TAPT1: variants seen among roughly 807,000 people sequenced by gnomAD.
The protein encoded by TAPT1 is transmembrane anterior posterior transformation 1, also known as transmembrane anterior posterior transformation protein 1 homolog.
TAPT1 carries 28 observed loss-of-function variants against 65.6 expected under a neutral mutation model. The ratio of observed to expected loss-of-function variants is 0.43; its 90% CI spans 0.32 to 0.59. The LOEUF is 0.59. Among genes scored for constraint, TAPT1 ranks in the 20% least tolerant of loss-of-function variants. The pLI, the probability that TAPT1 is intolerant of heterozygous loss-of-function variation, is 0.09. For missense variants in TAPT1, 563 were observed against 679.9 expected, an observed-to-expected ratio of 0.83 and a Z score of 1.91; for synonymous variants, 278 against 245.2, an observed-to-expected ratio of 1.13 and a Z score of -1.25.
intron 7 of TAPT1, among the ~76,000 whole-genome samples, chr4:16,183,332 G>A (rs1748824917): frequency 6.6e-6 from 1 of 152,018 alleles, no homozygotes; most frequent in South Asian, 2.1e-4. Context: ...GTGCTAAGTA[G>A]TAACCATTTT....
At chr4:16,217,026 T>C (rs1750978802) in intron 1 of TAPT1, among the ~76,000 whole-genome samples, 2 of 152,020 alleles carry the variant, frequency 1.3e-5, no homozygotes, top group African/African-American at 4.8e-5. Context: ...CTACTTTTCA[T>C]TTCTCCCAAA....
At chr4:16,166,989 CTCTT>C (rs1747677792) in intron 12 of TAPT1, 196 bp from the exon 13 acceptor site, 3 of 292,812 alleles carry the variant, frequency 1.0e-5, no homozygotes, top group Non-Finnish European at 1.2e-5. Flanking sequence ...TTCCTTAGTT[CTCTT>C]TTTTTTTTTT....
chr4:16,163,496 G>GTTTGGTGATGGAGGCAGACAGGTT lies in TAPT1; in HGVS notation c.1492_1515dup (p.Asn498_Lys505dup), dbSNP rs773284049. On this transcript the variant is annotated inframe_insertion, in exon 14 of 14. Transcript: ENST00000405303. ...ATATTTTCCTTTTGATGAATAGGTT[G>GTTTGGTGATGGAGGCAGACAGGTT]TTTGGTGATGGAGGCAGACAGGTTT... is the stretch of plus-strand genomic sequence containing the variant. 8.7e-6 allele frequency: 14 copies of GTTTGGTGATGGAGGCAGACAGGTT among 1,613,852 alleles called. No individual in the cohort carries two copies. The South Asian group carries it at 1.5e-4, about 18-fold the overall frequency.
rs186748882 is a variant in TAPT1 at position 16,187,380 on chromosome 4, A to G, written c.749-502T>C. On this transcript the variant is annotated intron_variant, in intron 5 of 13. Coordinates refer to ENST00000405303, the MANE Select transcript of TAPT1 (RefSeq NM_153365.3). ...AATGTAAGGCAGTAGGAAATATCTGATAATTAAGATTCTTCTTCATATGTC... is the reference window on the plus strand; with the variant it reads ...AATGTAAGGCAGTAGGAAATATCTGGTAATTAAGATTCTTCTTCATATGTC... 2.0e-5 allele frequency among the ~76,000 whole-genome samples: 3 copies of G among 152,308 alleles called. No homozygotes were observed. The East Asian group carries it at 5.8e-4, about 29-fold the overall frequency.
At chr4:16,208,598 C>A (rs949474890) in intron 2 of TAPT1, among the ~76,000 whole-genome samples, 3 of 152,140 alleles carry the variant, frequency 2.0e-5, no homozygotes, top group African/African-American at 7.2e-5. Flanking sequence ...AGCAAGAGGA[C>A]CCAAAGCCAA....
chr4:16,180,707 T>C (rs1748662942), intron 7 of TAPT1, among the ~76,000 whole-genome samples: 1 of 152,154 alleles, frequency 6.6e-6, no homozygotes, highest in Admixed American at 6.6e-5. Flanking sequence ...AAAACCTTAT[T>C]CTCTGTAAGC....
chr4:16,188,663 G>A (rs890229066), intron 4 of TAPT1, among the ~76,000 whole-genome samples: 4 of 151,244 alleles, frequency 2.6e-5, no homozygotes, highest in Non-Finnish European at 1.5e-5. Context: ...GCTCATGCCT[G>A]TAATCCCAGC....
At chr4:16,189,212 C>A (rs184267283) in intron 4 of TAPT1, among the ~76,000 whole-genome samples, 2 of 152,280 alleles carry the variant, frequency 1.3e-5, no homozygotes, top group East Asian at 3.9e-4. Context: ...AGGATTCAGT[C>A]TGAATGCCAC....
At chr4:16,174,531 T>G in intron 10 of TAPT1, 139 bp downstream of exon 10, 1 of 745,146 alleles carries the variant, frequency 1.3e-6, no homozygotes, top group South Asian at 2.1e-5. Context: ...AAATGTTTAT[T>G]TAGTGTTGAG....
Position 16,161,891 on chromosome 4 carries a change from C to T in TAPT1, c.*1417G>A, listed in dbSNP as rs988647268. On this transcript the variant is annotated 3_prime_UTR_variant, in exon 14 of 14. Coordinates refer to ENST00000405303, the MANE Select transcript of TAPT1 (RefSeq NM_153365.3). ...CTGAAACATTTGCATGAGAGCTAAA[C>T]TTCAAAATCAAAACATCAAAGGAAA... 1 of 152,178 alleles carries T rather than the reference C, an allele frequency of 6.6e-6. No individual in the cohort carries two copies. Among genetic ancestry groups the T allele is most frequent in the South Asian group, 2.1e-4 (1 of 4,832 alleles). 9.4% of individuals were successfully genotyped at this position (152,178 alleles called of 1,614,324 possible).
chr4:16,194,431 C>T (rs1370735245), intron 3 of TAPT1, among the ~76,000 whole-genome samples: 1 of 152,158 alleles, frequency 6.6e-6, no homozygotes, highest in East Asian at 1.9e-4. Flanking sequence ...GGAAACTTGG[C>T]AACCTGGCTC....
At chr4:16,165,987 G>T (rs1048060202) in intron 13 of TAPT1, among the ~76,000 whole-genome samples, 1 of 152,166 alleles carries the variant, frequency 6.6e-6, no homozygotes. Flanking sequence ...CCTTCCACCT[G>T]GAAGGTTCTC....
At chr4:16,219,547 A>G (rs535376585) in intron 1 of TAPT1, among the ~76,000 whole-genome samples, 303 of 152,360 alleles carry the variant, frequency 2.0e-3, no homozygotes, top group African/African-American at 6.9e-3. Flanking sequence ...ATGATACACT[A>G]AAGAAATACT....
At chr4:16,169,510 A>G (rs1213282277) in intron 12 of TAPT1, among the ~76,000 whole-genome samples, 8 of 152,250 alleles carry the variant, frequency 5.3e-5, no homozygotes, top group Admixed American at 1.3e-4. Flanking sequence ...CAAAAAATGA[A>G]AAGAGTTACA....
rs182528734 is a variant in TAPT1, at chr4:16,170,363, A to G, written c.1313+290T>C. 9.2e-5 allele frequency among the ~76,000 whole-genome samples: 14 copies of G among 152,380 alleles called. No homozygotes were observed. In the East Asian group the frequency reaches 2.3e-3, roughly 25 times the overall value. On this transcript the variant is annotated intron_variant, in intron 12 of 13. Coordinates refer to ENST00000405303, the MANE Select transcript of TAPT1 (RefSeq NM_153365.3). ...AATATGAAAACATGTCTGCAATGGC[A>G]GTCTTTTATTCATCAAAAAAATGTG...
At chr4:16,190,047 TTGG>T (rs1023346393) in intron 4 of TAPT1, 2 of 152,354 alleles carry the variant, frequency 1.3e-5, no homozygotes, top group Admixed American at 1.3e-4. Flanking sequence ...GGCAACCTAC[TTGG>T]TGGGGCAAAG....
intron 12 of TAPT1, 107 bp from the exon 13 acceptor site, chr4:16,166,900 G>A: frequency 9.4e-7 from 1 of 1,065,940 alleles, no homozygotes; most frequent in Non-Finnish European, 1.4e-6. Flanking sequence ...ATGGGACGGT[G>A]ACAGATTAGG....
At chr4:16,218,461 C>G (rs1419608289) in intron 1 of TAPT1, among the ~76,000 whole-genome samples, 2 of 152,186 alleles carry the variant, frequency 1.3e-5, no homozygotes, top group Non-Finnish European at 2.9e-5. Flanking sequence ...TCTCTGGTGA[C>G]TGGAGATGAC....
chr4:16,186,895 G>A lies in TAPT1; in HGVS notation c.749-17C>T. ...CATGCAAAACTAATAGAAGGTCAAG[G>A]AAAAAACTTAAATTTGCTTTCATAT... On this transcript the variant is annotated splice_polypyrimidine_tract_variant and intron_variant, in intron 5 of 13. Coordinates refer to ENST00000405303, the MANE Select transcript of TAPT1 (RefSeq NM_153365.3). 1 of 1,514,596 alleles carries A rather than the reference G, an allele frequency of 6.6e-7. No homozygotes were observed. The highest frequency in any genetic ancestry group is 9.1e-7 in the Non-Finnish European group (1 of 1,098,878). 93.8% of individuals were successfully genotyped at this position (1,514,596 alleles called of 1,614,324 possible).
Sources: allele counts gnomAD v4.1 joint callset (sites outside exome capture counted in the v4.1 genomes callset), GRCh38; gene constraint gnomAD v4.1.1; transcripts MANE v1.5; gene names NCBI Gene and HGNC (gene_info 2026-07-23, HGNC 2026-07-21).